HMGCLL1: variants seen among roughly 807,000 people sequenced by gnomAD.
HMGCLL1 encodes the protein 3-hydroxy-3-methylglutaryl-CoA lyase like 1.
In HMGCLL1, 36 loss-of-function variants were observed where a neutral mutation model predicts 39.1. The ratio of observed to expected loss-of-function variants is 0.92; its 90% CI spans 0.71 to 1.22. The LOEUF (loss-of-function observed/expected upper bound fraction) is 1.22. Among genes scored for constraint, HMGCLL1 ranks in the 50% most tolerant of loss-of-function variants. HMGCLL1 has a pLI of 0.00. For missense variants in HMGCLL1, 451 were observed against 416.5 expected (o/e 1.08, Z -0.72); for synonymous variants, 149 against 144.0 (o/e 1.03, Z -0.25).
At chr6:55,562,435 T>C (rs576314406) in intron 1 of HMGCLL1, among the ~76,000 whole-genome samples, 1 of 152,246 alleles carries the variant, frequency 6.6e-6, no homozygotes, top group African/African-American at 2.4e-5. Flanking sequence ...GAGACATTAT[T>C]TTTAACGCTG....
intron 7 of HMGCLL1, among the ~76,000 whole-genome samples, chr6:55,494,853 A>C (rs910070056): frequency 6.6e-6 from 1 of 152,240 alleles, no homozygotes; most frequent in African/African-American, 2.4e-5. Flanking sequence ...TATAATAAGC[A>C]ATTCATAATC....
At chr6:55,663,531 C>T in the HMGCLL1 span, among the ~76,000 whole-genome samples, 3 of 151,126 alleles carry the variant, frequency 2.0e-5, no homozygotes, top group Non-Finnish European at 4.4e-5. Context: ...CTGTTTTTAT[C>T]GCTCTGTGGT....
intron 4 of HMGCLL1, among the ~76,000 whole-genome samples, chr6:55,515,585 G>C (rs1767695884): frequency 6.6e-6 from 1 of 152,072 alleles, no homozygotes; most frequent in Non-Finnish European, 1.5e-5. Flanking sequence ...GCACAGAATT[G>C]CTCCAAAGTC....
chr6:55,550,013 G>T (rs997057055), intron 1 of HMGCLL1, among the ~76,000 whole-genome samples: 1 of 151,898 alleles, frequency 6.6e-6, no homozygotes, highest in Non-Finnish European at 1.5e-5. Flanking sequence ...AAATAAAAAT[G>T]AGCATTTGCG....
chr6:55,646,376 A>G, the HMGCLL1 span, among the ~76,000 whole-genome samples: 1 of 151,192 alleles, frequency 6.6e-6, no homozygotes, highest in Non-Finnish European at 1.5e-5. Flanking sequence ...TGTTTTCTTA[A>G]TTTCAAATTT....
chr6:55,460,820 TCAGTATTTTTTAACC>T (rs1260264419), intron 7 of HMGCLL1, among the ~76,000 whole-genome samples: 1 of 151,994 alleles, frequency 6.6e-6, no homozygotes, highest in African/African-American at 2.4e-5. Flanking sequence ...TTTTTTGGTG[TCAGTATTTTTTAACC>T]CAGCAATTTT....
chr6:55,581,566 T>C (rs935830805), upstream of HMGCLL1, among the ~76,000 whole-genome samples: 5 of 152,088 alleles, frequency 3.3e-5, no homozygotes, highest in African/African-American at 4.8e-5. Context: ...CATCTTTCTG[T>C]TCTGATTACT....
At chr6:55,555,702 A>G (rs1212366257) in intron 1 of HMGCLL1, among the ~76,000 whole-genome samples, 2 of 152,192 alleles carry the variant, frequency 1.3e-5, no homozygotes, top group Non-Finnish European at 2.9e-5. Context: ...AACTAACAAG[A>G]ATTCACTATA....
the HMGCLL1 span, among the ~76,000 whole-genome samples, chr6:55,627,197 G>C: frequency 1.4e-3 from 210 of 152,126 alleles, no homozygotes; most frequent in Non-Finnish European, 2.7e-3. Context: ...TAACTGTCAT[G>C]AGTATTTCCT....
intron 3 of HMGCLL1, among the ~76,000 whole-genome samples, chr6:55,528,616 A>G (rs1275582454): frequency 6.8e-6 from 1 of 146,690 alleles, no homozygotes; most frequent in Non-Finnish European, 1.5e-5. Flanking sequence ...TAAACACAGG[A>G]AATCTCTGGA....
intron 3 of HMGCLL1, among the ~76,000 whole-genome samples, chr6:55,529,300 T>C (rs1174278376): frequency 6.6e-6 from 1 of 152,124 alleles, no homozygotes; most frequent in Non-Finnish European, 1.5e-5. Context: ...TTCCCATGCA[T>C]GAAAGCAGAA....
At chr6:55,615,045 A>G in the HMGCLL1 span, among the ~76,000 whole-genome samples, 5 of 152,132 alleles carry the variant, frequency 3.3e-5, no homozygotes, top group Non-Finnish European at 2.9e-5. Flanking sequence ...AGAAATAGTA[A>G]TTATAAACTG....
intron 3 of HMGCLL1, among the ~76,000 whole-genome samples, chr6:55,521,908 T>C (rs1013542358): frequency 1.3e-5 from 2 of 152,084 alleles, no homozygotes; most frequent in Non-Finnish European, 2.9e-5. Flanking sequence ...CCAGGCCTCT[T>C]ATGCCAAACA....
intron 7 of HMGCLL1, among the ~76,000 whole-genome samples, chr6:55,449,172 T>C (rs1021822292): frequency 6.6e-6 from 1 of 152,194 alleles, no homozygotes; most frequent in African/African-American, 2.4e-5. Flanking sequence ...ATAGAGCTAG[T>C]TTATTACCAA....
At chr6:55,677,006 T>C in the HMGCLL1 span, among the ~76,000 whole-genome samples, 4 of 152,256 alleles carry the variant, frequency 2.6e-5, no homozygotes, top group Non-Finnish European at 5.9e-5. Context: ...GGTGCTATTG[T>C]GGTAGATATA....
intron 3 of HMGCLL1, among the ~76,000 whole-genome samples, chr6:55,521,021 C>A (rs1173433376): frequency 6.6e-6 from 1 of 152,066 alleles, no homozygotes; most frequent in Non-Finnish European, 1.5e-5. Flanking sequence ...TATAGCCTAA[C>A]AAGCTTAGAG....
the HMGCLL1 span, among the ~76,000 whole-genome samples, chr6:55,668,736 G>A: frequency 6.6e-6 from 1 of 151,800 alleles, no homozygotes; most frequent in Non-Finnish European, 1.5e-5. Flanking sequence ...AGGGAACAGG[G>A]AAGGAAACTG....
intron 7 of HMGCLL1, among the ~76,000 whole-genome samples, chr6:55,465,585 G>C (rs1764762883): frequency 6.6e-6 from 1 of 151,842 alleles, no homozygotes; most frequent in South Asian, 2.1e-4. Flanking sequence ...GATATTCATG[G>C]TAAGTTTCTG....
Position 55,579,081 on chromosome 6 carries a change from G to A in HMGCLL1, c.-26C>T. 3 of 1,543,022 alleles carry A rather than the reference G, an allele frequency of 1.9e-6. No homozygotes were observed. Among genetic ancestry groups the A allele is most frequent in the Non-Finnish European group, 2.7e-6 (3 of 1,124,830 alleles). On this transcript the variant is annotated 5_prime_UTR_variant, in exon 1 of 9. Transcript: ENST00000274901. ...GGCGGAGCCTGGGGCGGCAGTCGGC[G>A]AGGGGAGGGAGACTGGAGGAGGATG...
Sources: gnomAD v4.1 joint callset for allele counts (sites outside exome capture counted in the v4.1 genomes callset) on GRCh38, gnomAD v4.1.1 for gene constraint, MANE v1.5 for transcripts, NCBI Gene and HGNC (gene_info 2026-07-23, HGNC 2026-07-21) for gene names.